Variants in PCDH15 observed in about 807,000 individuals in gnomAD.
PCDH15 encodes the protein protocadherin-15.
PCDH15 carries 129 observed loss-of-function variants against 178.5 expected under a neutral mutation model. That is an observed-to-expected ratio of 0.72 (90% CI 0.63 to 0.84). PCDH15 has a LOEUF of 0.84. Ranked by LOEUF, PCDH15 falls within the 40% of genes least tolerant of loss-of-function variation. PCDH15 has a pLI of 0.00. For synonymous variants in PCDH15, 800 were observed against 732.0 expected, an observed-to-expected ratio of 1.09 and a Z score of -1.50; for missense variants, 2,230 against 2,099.9, an observed-to-expected ratio of 1.06 and a Z score of -1.21.
intron 2 of PCDH15, among the ~76,000 whole-genome samples, chr10:55,164,838 C>T (rs933837898): frequency 3.9e-5 from 6 of 151,998 alleles, no homozygotes; most frequent in African/African-American, 1.2e-4. Context: ...ACTACGCAAG[C>T]GGATTGAAAA....
chr10:54,390,127 C>A (rs565068803), intron 3 of PCDH15, among the ~76,000 whole-genome samples: 13 of 152,162 alleles, frequency 8.5e-5, no homozygotes, highest in Non-Finnish European at 1.9e-4. Context: ...ATTGTGGTAG[C>A]CAAAACATCA....
At chr10:54,895,419 A>G (rs943890552) in intron 3 of PCDH15, among the ~76,000 whole-genome samples, 4 of 152,194 alleles carry the variant, frequency 2.6e-5, no homozygotes, top group Non-Finnish European at 4.4e-5. Flanking sequence ...TCATTGTACT[A>G]TACTCAGACA....
intron 1 of PCDH15, among the ~76,000 whole-genome samples, chr10:54,738,521 A>G (rs929586104): frequency 6.6e-6 from 1 of 152,108 alleles, no homozygotes; most frequent in African/African-American, 2.4e-5. Context: ...ACTATTTCAA[A>G]AAATTGAAGT....
intron 2 of PCDH15, among the ~76,000 whole-genome samples, chr10:55,503,360 A>C (rs1840695936): frequency 6.7e-6 from 1 of 148,588 alleles, no homozygotes; most frequent in African/African-American, 2.4e-5. Flanking sequence ...AAATTTAAAT[A>C]TAAAATAAAT....
intron 3 of PCDH15, among the ~76,000 whole-genome samples, chr10:54,381,823 A>G (rs1949269929): frequency 1.3e-5 from 2 of 152,092 alleles, no homozygotes; most frequent in Non-Finnish European, 2.9e-5. Context: ...ATTTAGTTTG[A>G]TACTCATATA....
At chr10:54,325,237 G>T (rs1937681684) in intron 7 of PCDH15, among the ~76,000 whole-genome samples, 1 of 152,018 alleles carries the variant, frequency 6.6e-6, no homozygotes, top group Non-Finnish European at 1.5e-5. Flanking sequence ...TAATTTGAAG[G>T]ATTCTCTTCG....
chr10:54,590,045 T>C (rs774990323), intron 2 of PCDH15, among the ~76,000 whole-genome samples: 1 of 152,220 alleles, frequency 6.6e-6, no homozygotes, highest in African/African-American at 2.4e-5. Flanking sequence ...AACTGGCCTT[T>C]TGTATGACAA....
At chr10:54,047,931 C>T (rs1449046510) in intron 18 of PCDH15, among the ~76,000 whole-genome samples, 1 of 152,046 alleles carries the variant, frequency 6.6e-6, no homozygotes, top group African/African-American at 2.4e-5. Flanking sequence ...GGTATATACC[C>T]AGCTATAAGA....
chr10:54,702,543 C>CAAAAAAAAA (rs375110960), intron 1 of PCDH15, among the ~76,000 whole-genome samples: 3 of 125,680 alleles, frequency 2.4e-5, no homozygotes, highest in African/African-American at 3.0e-5. Context: ...CACAGAAATA[C>CAAAAAAAAA]AAAAAAAAAA....
intron 3 of PCDH15, among the ~76,000 whole-genome samples, 190 bp from the exon 4 acceptor site, chr10:54,379,132 A>G (rs1311396890): frequency 2.0e-5 from 3 of 152,136 alleles, no homozygotes; most frequent in Admixed American, 2.0e-4. Context: ...TTATTTATAA[A>G]TAATATTTTT....
At chr10:54,754,041 G>A (rs2133038423) in intron 1 of PCDH15, among the ~76,000 whole-genome samples, 1 of 151,400 alleles carries the variant, frequency 6.6e-6, no homozygotes, top group African/African-American at 2.4e-5. Flanking sequence ...TGTTAGCCAG[G>A]ATGGTCTCGA....
chr10:54,445,891 A>T (rs1024623439), intron 3 of PCDH15, among the ~76,000 whole-genome samples: 1 of 151,552 alleles, frequency 6.6e-6, no homozygotes, highest in African/African-American at 2.4e-5. Context: ...TCTCTTTTCC[A>T]TACCTATCTT....
intron 2 of PCDH15, among the ~76,000 whole-genome samples, chr10:55,020,705 A>G (rs529012143): frequency 6.6e-6 from 1 of 152,306 alleles, no homozygotes; most frequent in South Asian, 2.1e-4. Context: ...GATGGCTACA[A>G]GATGAAAGGA....
rs1225499508 is a variant in PCDH15 at position 53,803,445 on chromosome 10, A to G, written c.*3134T>C. ...ATAATATTTTAATGGTAACTACTGA[A>G]TCACCTTTGGAACAACCACTTAAGT... On this transcript the variant is annotated 3_prime_UTR_variant, in exon 38 of 38. Coordinates refer to ENST00000644397, the MANE Select transcript of PCDH15 (RefSeq NM_001384140.1). The G allele has an allele frequency of 6.6e-6, 1 of 151,996 alleles. No individual in the cohort carries two copies. The highest frequency in any genetic ancestry group is 2.4e-5 in the African/African-American group (1 of 41,428). The allele number at this position is 151,996 out of a possible 1,614,324, so 9.4% of individuals were successfully genotyped here. A position where few individuals can be genotyped will look rare whatever the true frequency, so the allele number is the denominator to read the frequency against.
intron 2 of PCDH15, among the ~76,000 whole-genome samples, chr10:55,016,098 T>TA (rs199893494): frequency 3.3e-3 from 385 of 115,586 alleles, no homozygotes; most frequent in Non-Finnish European, 5.6e-3. Flanking sequence ...CTTTTTTTTT[T>TA]AAAAAAAAAA....
At chr10:54,433,870 C>A (rs1296919115) in intron 3 of PCDH15, among the ~76,000 whole-genome samples, 1 of 151,982 alleles carries the variant, frequency 6.6e-6, no homozygotes, top group Non-Finnish European at 1.5e-5. Context: ...TAAAAATTTA[C>A]TTGTAAAACA....
intron 3 of PCDH15, among the ~76,000 whole-genome samples, chr10:54,420,657 G>C (rs557873741): frequency 6.4e-4 from 97 of 152,068 alleles, no homozygotes; most frequent in Non-Finnish European, 9.1e-4. Context: ...AGAACATAAA[G>C]TAGCAGAAAT....
intron 3 of PCDH15, among the ~76,000 whole-genome samples, chr10:54,828,589 G>C (rs1226708829): frequency 6.6e-6 from 1 of 151,816 alleles, no homozygotes; most frequent in Non-Finnish European, 1.5e-5. Context: ...CTCTTAATTT[G>C]TTTAAACAGA....
chr10:53,901,077 C>T (rs902970299), intron 26 of PCDH15, among the ~76,000 whole-genome samples: 1 of 152,048 alleles, frequency 6.6e-6, no homozygotes, highest in Non-Finnish European at 1.5e-5. Flanking sequence ...GTATTCCTGT[C>T]ACCTCATGGC....
Sources: allele counts gnomAD v4.1 joint callset (sites outside exome capture counted in the v4.1 genomes callset), GRCh38; gene constraint gnomAD v4.1.1; transcripts MANE v1.5; gene names NCBI Gene and HGNC (gene_info 2026-07-23, HGNC 2026-07-21).